PCDHGB1: variants seen among roughly 807,000 people sequenced by gnomAD.
PCDHGB1 encodes the protein protocadherin gamma-B1.
PCDHGB1 carries 34 observed loss-of-function variants against 56.6 expected under a neutral mutation model. That is an observed-to-expected ratio of 0.60 (90% CI 0.46 to 0.80). The LOEUF (loss-of-function observed/expected upper bound fraction) is 0.80, where lower values mean the gene tolerates loss of function less well. PCDHGB1 is among the 30% of genes least tolerant of loss of function. PCDHGB1 has a pLI of 0.00. For synonymous variants in PCDHGB1, 561 were observed against 505.9 expected, an observed-to-expected ratio of 1.11 and a Z score of -1.46; for missense variants, 1,278 against 1,204.6, an observed-to-expected ratio of 1.06 and a Z score of -0.90.
At position 141,356,482 on chromosome 5, in the gene PCDHGB1, G is replaced by A. The variant is rs754929117; in HGVS notation, c.2409+3813G>A. On this transcript the variant is annotated intron_variant, in intron 1 of 3. Coordinates refer to ENST00000523390, the MANE Select transcript of PCDHGB1 (RefSeq NM_018922.3). ...CATCACTGTAACTGCCACTGACCAGGGAACTCCTCCACTGTCTACAGAAAC... is the reference window on the plus strand; with the variant it reads ...CATCACTGTAACTGCCACTGACCAGAGAACTCCTCCACTGTCTACAGAAAC... 6.8e-6 allele frequency: 11 copies of A among 1,613,940 alleles called. No individual in the cohort carries two copies. In the South Asian group the frequency reaches 9.9e-5, roughly 14 times the overall value.
At chr5:141,400,547 C>A (rs534226736) in intron 1 of PCDHGB1, 12 of 1,613,676 alleles carry the variant, frequency 7.4e-6, no homozygotes, top group African/African-American at 2.7e-5. Flanking sequence ...TATGTCTATT[C>A]TTTTTCATTA....
At chr5:141,415,712 T>G (rs2095901969) in intron 1 of PCDHGB1, 3 of 1,326,794 alleles carry the variant, frequency 2.3e-6, no homozygotes, top group Non-Finnish European at 3.1e-6. Context: ...GCTAAAACAC[T>G]GATGAGTAGA....
chr5:141,422,901 C>T (rs768086403), intron 1 of PCDHGB1: 5 of 1,614,276 alleles, frequency 3.1e-6, no homozygotes, highest in Non-Finnish European at 4.2e-6. Context: ...ACCAGAACGA[C>T]AATGCGCCCG....
chr5:141,451,597 C>A (rs2098719892), intron 1 of PCDHGB1, among the ~76,000 whole-genome samples: 1 of 152,076 alleles, frequency 6.6e-6, no homozygotes, highest in Admixed American at 6.6e-5. Context: ...AAGTGACATA[C>A]AAGGCTAGGC....
intron 2 of PCDHGB1, among the ~76,000 whole-genome samples, chr5:141,501,988 T>C (rs2099812189): frequency 6.6e-6 from 1 of 152,056 alleles, no homozygotes; most frequent in Non-Finnish European, 1.5e-5. Flanking sequence ...GGTCCCGTTG[T>C]CTCCCTGACA....
chr5:141,419,809 A>G (rs1181621732), intron 1 of PCDHGB1: 2 of 1,613,916 alleles, frequency 1.2e-6, no homozygotes, highest in African/African-American at 2.7e-5. Flanking sequence ...GAGATGGAGG[A>G]CAGCCACCCC....
chr5:141,381,702 C>CT (rs1561588740), intron 1 of PCDHGB1, among the ~76,000 whole-genome samples: 1 of 151,968 alleles, frequency 6.6e-6, no homozygotes, highest in Admixed American at 6.6e-5. Flanking sequence ...CGATTTCTTT[C>CT]TTTTTTTCTC....
chr5:141,352,600 T>A lies in PCDHGB1; in HGVS notation c.2340T>A (p.Asp780Glu). Residue 780 changes from aspartate to glutamate, a missense_variant, in exon 1 of 4, where the codon GAT becomes GAA. Physicochemically the swap from Asp to Glu is conservative, Grantham distance 45. Coordinates refer to ENST00000523390, the MANE Select transcript of PCDHGB1 (RefSeq NM_018922.3). Reference protein sequence around the residue: ...MAPPQDLLCDDPSMVVCASNE... With the variant: ...MAPPQDLLCDEPSMVVCASNE... ...CCCCTCAGGATCTGCTGTGTGATGA[T>A]CCTTCTATGGTTGTATGTGCCAGTA... 6.2e-7 allele frequency: 1 copy of A among 1,613,818 alleles called. No individual in the cohort carries two copies. Among genetic ancestry groups the A allele is most frequent in the South Asian group, 1.1e-5 (1 of 91,056 alleles).
intron 1 of PCDHGB1, chr5:141,365,949 C>A: frequency 6.2e-7 from 1 of 1,614,242 alleles, no homozygotes; most frequent in Non-Finnish European, 8.5e-7. Context: ...AGTGGGAACC[C>A]TCCACTTAGC....
Position 141,409,613 on chromosome 5 carries a change from A to T in PCDHGB1, c.2409+56944A>T, listed in dbSNP as rs370495173. 6.6e-5 allele frequency: 107 copies of T among 1,613,738 alleles called. 1 individual carries two copies. The South Asian group carries it at 1.1e-3, about 17-fold the overall frequency. ...CGAGAACAACCCGCCAGGAGCCTCC[A>T]TTGCGCAAGTGAGCGCCTCTGACCC... On this transcript the variant is annotated intron_variant, in intron 1 of 3. Transcript: ENST00000523390.
chr5:141,494,674 C>A lies in PCDHGB1; in HGVS notation c.2410-133C>A, dbSNP rs532644387. ...ATTTTGTCTTTGGAGATGAGTCCAC[C>A]CCTGCCCCCTCTTAGTCCGTTTTCT... is the stretch of plus-strand genomic sequence containing the variant. On this transcript the variant is annotated intron_variant, in intron 1 of 3. Transcript: ENST00000523390. 3.4e-5 allele frequency: 53 copies of A among 1,545,802 alleles called. No homozygotes were observed. In the African/African-American group the frequency reaches 6.5e-4, roughly 19 times the overall value.
rs371079504 is a variant in PCDHGB1, at chr5:141,422,041, G to C, written c.2409+69372G>C. 9 of 1,611,514 alleles carry C rather than the reference G, an allele frequency of 5.6e-6. No homozygotes were observed. The highest frequency in any genetic ancestry group is 5.9e-6 in the Non-Finnish European group (7 of 1,179,230). On this transcript the variant is annotated intron_variant, in intron 1 of 3. Transcript: ENST00000523390. ...GATGGTTAATGCAACGGATCCAGAC[G>C]AGGGAATCAACGGGGAAGTAATGTA...
Position 141,350,331 on chromosome 5 carries a change from G to C in PCDHGB1, c.71G>C (p.Cys24Ser). 1 of 1,537,716 alleles carries C rather than the reference G, an allele frequency of 6.5e-7. No homozygotes were observed. The highest frequency in any genetic ancestry group is 8.7e-7 in the Non-Finnish European group (1 of 1,144,194). Residue 24 changes from cysteine (C) to serine (S), a missense_variant, in exon 1 of 4, where the codon TGC becomes TCC. By Grantham distance (112) the Cys-to-Ser change is moderately radical. Transcript: ENST00000523390. ...VLFPFLLSLFCGAISQQIRYT... is the reference protein window; with the variant it reads ...VLFPFLLSLFSGAISQQIRYT... The stretch of plus-strand genomic sequence containing the variant: ...TTTCCCTTCCTGCTGTCTTTGTTCT[G>C]CGGGGCCATCTCCCAGCAGATCCGA...
intron 1 of PCDHGB1, chr5:141,360,588 A>C (rs1761664531): frequency 1.2e-6 from 2 of 1,613,888 alleles, no homozygotes; most frequent in Non-Finnish European, 1.7e-6. Context: ...CAGGTACAAC[A>C]TTTCCACTTG....
intron 1 of PCDHGB1, among the ~76,000 whole-genome samples, chr5:141,462,479 GGTT>G (rs1329069527): frequency 6.6e-6 from 1 of 151,838 alleles, no homozygotes; most frequent in Non-Finnish European, 1.5e-5. Flanking sequence ...TGCTTCTCGT[GGTT>G]GTTGTATCCT....
chr5:141,357,310 T>C (rs1286451893), intron 1 of PCDHGB1: 2 of 1,613,980 alleles, frequency 1.2e-6, no homozygotes, highest in Non-Finnish European at 1.7e-6. Flanking sequence ...CTCCTGCGTC[T>C]TCCTGGCTTT....
intron 1 of PCDHGB1, chr5:141,364,771 T>G: frequency 6.2e-7 from 1 of 1,614,002 alleles, no homozygotes; most frequent in Non-Finnish European, 8.5e-7. Flanking sequence ...AAAATGCGGC[T>G]GCAGGGACAC....
At chr5:141,429,297 T>C (rs985228754) in intron 1 of PCDHGB1, 7 of 152,208 alleles carry the variant, frequency 4.6e-5, no homozygotes, top group Admixed American at 3.3e-4. Flanking sequence ...GGGACATCAA[T>C]ATTTGAGTAT....
At chr5:141,395,468 C>T (rs909198422) in intron 1 of PCDHGB1, 2 of 569,714 alleles carry the variant, frequency 3.5e-6, no homozygotes, top group African/African-American at 3.8e-5. Flanking sequence ...TTAAGCCTTC[C>T]AGTATTTTAT....
Sources: allele counts gnomAD v4.1 joint callset (sites outside exome capture counted in the v4.1 genomes callset), GRCh38; gene constraint gnomAD v4.1.1; transcripts MANE v1.5; gene names NCBI Gene and HGNC (gene_info 2026-07-23, HGNC 2026-07-21).